The following DOCK10 variants were observed in gnomAD, a reference collection of about 807,000 sequenced individuals.
The protein encoded by DOCK10 is dedicator of cytokinesis protein 10.
Under a neutral mutation model 280.1 loss-of-function variants are expected in DOCK10, and 145 were observed. The ratio of observed to expected loss-of-function variants is 0.52; its 90% CI spans 0.45 to 0.59. The LOEUF (loss-of-function observed/expected upper bound fraction) is 0.59, where lower values mean the gene tolerates loss of function less well. Among genes scored for constraint, DOCK10 ranks in the 20% least tolerant of loss-of-function variants. DOCK10 has a pLI of 0.00. For synonymous variants in DOCK10, 915 were observed against 942.2 expected (o/e 0.97, Z 0.53); for missense variants, 2,368 against 2,651.7 (o/e 0.89, Z 2.35).
intron 50 of DOCK10, among the ~76,000 whole-genome samples, chr2:224,783,201 G>C (rs1252736014): frequency 6.6e-6 from 1 of 152,134 alleles, no homozygotes; most frequent in African/African-American, 2.4e-5. Context: ...TGAACTTATG[G>C]AGTGTCGTGC....
At chr2:224,998,749 A>G (rs1430465390) in intron 1 of DOCK10, among the ~76,000 whole-genome samples, 1 of 152,134 alleles carries the variant, frequency 6.6e-6, no homozygotes, top group Non-Finnish European at 1.5e-5. Context: ...CTCTTAACCC[A>G]GGGGGATTGA....
At chr2:224,910,063 T>C (rs907949066) in intron 3 of DOCK10, among the ~76,000 whole-genome samples, 8 of 152,218 alleles carry the variant, frequency 5.3e-5, no homozygotes, top group African/African-American at 1.7e-4. Flanking sequence ...CTGGATGTGT[T>C]GAAACTAGAT....
At chr2:224,918,505 T>C (rs1471166995) in intron 2 of DOCK10, among the ~76,000 whole-genome samples, 1 of 141,130 alleles carries the variant, frequency 7.1e-6, no homozygotes, top group Non-Finnish European at 1.6e-5. Context: ...GTGTGTGGTG[T>C]GCGTGTATGT....
At chr2:224,845,100 G>C (rs974444668) in intron 21 of DOCK10, 103 bp downstream of exon 21, 4 of 1,206,624 alleles carry the variant, frequency 3.3e-6, no homozygotes, top group Non-Finnish European at 4.6e-6. Flanking sequence ...ATAGCTACAA[G>C]GGACATGTCC....
At position 224,989,097 on chromosome 2, in the gene DOCK10, T is replaced by C. The variant is rs1032018684; in HGVS notation, c.123+53155A>G. Among the ~76,000 whole-genome samples the C allele has an allele frequency of 1.1e-4, 17 of 152,194 alleles. 1 individual carries two copies. The highest frequency in any genetic ancestry group is 3.9e-4 in the African/African-American group (16 of 41,464). On this transcript the variant is annotated intron_variant, in intron 1 of 55. Coordinates refer to ENST00000258390, the MANE Select transcript of DOCK10 (RefSeq NM_014689.3). ...GAGCTGCCACTCACTCTTGAATTCA[T>C]TGGAGGCTGATCCTGGAGAGTTGGC...
intron 4 of DOCK10, among the ~76,000 whole-genome samples, chr2:224,888,526 G>A (rs1266337340): frequency 6.6e-6 from 1 of 151,720 alleles, no homozygotes; most frequent in Non-Finnish European, 1.5e-5. Flanking sequence ...CTCTGTCAAT[G>A]GACACTTAGG....
At chr2:224,930,476 A>G (rs1702291192) in intron 2 of DOCK10, among the ~76,000 whole-genome samples, 1 of 152,166 alleles carries the variant, frequency 6.6e-6, no homozygotes, top group Non-Finnish European at 1.5e-5. Context: ...TTCTGTTTAC[A>G]AATCTGTCTC....
At chr2:224,847,343 T>C (rs1696433456) in intron 19 of DOCK10, among the ~76,000 whole-genome samples, 1 of 152,152 alleles carries the variant, frequency 6.6e-6, no homozygotes, top group Non-Finnish European at 1.5e-5. Flanking sequence ...GCAGGTGGTG[T>C]GGTCAGTAAA....
intron 13 of DOCK10, among the ~76,000 whole-genome samples, chr2:224,863,448 T>C (rs1177201300): frequency 1.3e-5 from 2 of 152,158 alleles, no homozygotes; most frequent in Non-Finnish European, 2.9e-5. Flanking sequence ...TTAATATTTC[T>C]TTTCTTTTCT....
chr2:225,020,923 T>C (rs1205182420), intron 1 of DOCK10, among the ~76,000 whole-genome samples: 2 of 152,236 alleles, frequency 1.3e-5, no homozygotes, highest in Non-Finnish European at 2.9e-5. Flanking sequence ...ATTGTTTATA[T>C]ACATTGGTTT....
chr2:224,930,885 A>G (rs1702323374), intron 2 of DOCK10, among the ~76,000 whole-genome samples: 1 of 152,226 alleles, frequency 6.6e-6, no homozygotes, highest in East Asian at 1.9e-4. Flanking sequence ...TTAAGACCAC[A>G]AGGTAACAGT....
intron 4 of DOCK10, 97 bp from the exon 5 acceptor site, chr2:224,886,628 G>A: frequency 1.1e-6 from 1 of 910,256 alleles, no homozygotes; most frequent in South Asian, 1.6e-5. Context: ...TGGTGCTGGT[G>A]TTCTTACAAA....
chr2:224,905,435 G>C (rs59461052), intron 3 of DOCK10, among the ~76,000 whole-genome samples: 1 of 151,060 alleles, frequency 6.6e-6, no homozygotes, highest in Non-Finnish European at 1.5e-5. Flanking sequence ...ATTTTTAGTA[G>C]AGACGGGGTT....
At chr2:225,021,438 G>C (rs1206602382) in intron 1 of DOCK10, among the ~76,000 whole-genome samples, 1 of 152,082 alleles carries the variant, frequency 6.6e-6, no homozygotes, top group Non-Finnish European at 1.5e-5. Flanking sequence ...ACTGCCCTTA[G>C]TGTTTATTTT....
At chr2:224,951,389 A>T (rs1187641773) in intron 1 of DOCK10, among the ~76,000 whole-genome samples, 1 of 152,212 alleles carries the variant, frequency 6.6e-6, no homozygotes, top group Admixed American at 6.5e-5. Context: ...ATGTACATAC[A>T]AAACGCACAG....
In DOCK10 at chr2:224,862,764, A is replaced by G; in HGVS notation, c.1603-18T>C. ...TGTGCATACTAAAGAAAAAATAAAT[A>G]CAAATATTGTTTAGAATAGCACTTT... On this transcript the variant is annotated intron_variant, in intron 13 of 55. Coordinates refer to ENST00000258390, the MANE Select transcript of DOCK10 (RefSeq NM_014689.3). 11 of 1,503,740 alleles carry G rather than the reference A, an allele frequency of 7.3e-6. No homozygotes were observed. Among genetic ancestry groups the G allele is most frequent in the Non-Finnish European group, 1.0e-5 (11 of 1,092,874 alleles). 93.1% of individuals were successfully genotyped at this position (1,503,740 alleles called of 1,614,324 possible).
At chr2:224,863,667 T>C (rs1382610793) in intron 13 of DOCK10, among the ~76,000 whole-genome samples, 3 of 152,196 alleles carry the variant, frequency 2.0e-5, no homozygotes, top group African/African-American at 7.2e-5. Context: ...TTAGCCAGGA[T>C]GGTCTCCATC....
Position 224,796,340 on chromosome 2 carries a change from G to A in DOCK10, c.4914C>T (p.Phe1638=), listed in dbSNP as rs377662324. The change falls in exon 44 of 56, where the codon TTC becomes TTT. Residue 1638 remains phenylalanine (F), a synonymous_variant. Coordinates refer to ENST00000258390, the MANE Select transcript of DOCK10 (RefSeq NM_014689.3). ...CTTTCATTTGCTTATCTCCATTGGCGAAATTATTGGTAATTGCAAGCGAAT... is the reference window on the plus strand; with the variant it reads ...CTTTCATTTGCTTATCTCCATTGGCAAAATTATTGGTAATTGCAAGCGAAT... ...FQHSLAITNN[F]ANGDKQMKNS... 17 of 1,565,958 alleles carry A rather than the reference G, an allele frequency of 1.1e-5. No homozygotes were observed. The highest frequency in any genetic ancestry group is 7.0e-5 in the East Asian group (3 of 42,692).
At chr2:225,030,572 G>A (rs1320114018) in intron 1 of DOCK10, among the ~76,000 whole-genome samples, 1 of 152,198 alleles carries the variant, frequency 6.6e-6, no homozygotes, top group Non-Finnish European at 1.5e-5. Flanking sequence ...AGGCCTGCGT[G>A]TGCTACCCAG....
Sources: allele counts gnomAD v4.1 joint callset (sites outside exome capture counted in the v4.1 genomes callset), GRCh38; gene constraint gnomAD v4.1.1; transcripts MANE v1.5; gene names NCBI Gene and HGNC (gene_info 2026-07-23, HGNC 2026-07-21).